Variants in ANO3 observed in about 807,000 individuals in gnomAD.
The protein encoded by ANO3 is anoctamin 3.
In ANO3, 99 loss-of-function variants were observed where a neutral mutation model predicts 144.8. That is an observed-to-expected ratio of 0.68 (90% CI 0.58 to 0.81). ANO3 has a LOEUF of 0.81. Ranked by LOEUF, ANO3 falls within the 30% of genes least tolerant of loss-of-function variation. The pLI is 0.00. For synonymous variants in ANO3, 414 were observed against 392.6 expected (o/e 1.05, Z -0.64); for missense variants, 905 against 1,202.2 (o/e 0.75, Z 3.66).
chr11:26,652,505 A>G (rs1204145677), intron 24 of ANO3, among the ~76,000 whole-genome samples: 2 of 151,938 alleles, frequency 1.3e-5, no homozygotes, highest in Non-Finnish European at 2.9e-5. Context: ...AAATTCCTCC[A>G]CTTGTGCCCT....
chr11:26,480,814 A>G (rs1483965009), intron 4 of ANO3, among the ~76,000 whole-genome samples: 4 of 140,734 alleles, frequency 2.8e-5, no homozygotes, highest in East Asian at 2.0e-4. Context: ...TCTCAAAAAC[A>G]ATATAAATAA....
At chr11:26,379,025 T>G (rs1856502639) in intron 1 of ANO3, among the ~76,000 whole-genome samples, 1 of 126,428 alleles carries the variant, frequency 7.9e-6, no homozygotes, top group South Asian at 2.6e-4. Context: ...GGAAACAGTA[T>G]AGCATTATGA....
chr11:26,545,634 A>G (rs1167066623), intron 11 of ANO3, among the ~76,000 whole-genome samples: 1 of 151,924 alleles, frequency 6.6e-6, no homozygotes, highest in Non-Finnish European at 1.5e-5. Flanking sequence ...AGATTTCCAC[A>G]TGGTTTCATT....
intron 1 of ANO3, among the ~76,000 whole-genome samples, chr11:26,209,283 T>C (rs1210804996): frequency 6.6e-6 from 1 of 152,220 alleles, no homozygotes; most frequent in African/African-American, 2.4e-5. Context: ...CTGAGAATGA[T>C]GGTTTCCAGC....
intron 14 of ANO3, among the ~76,000 whole-genome samples, chr11:26,570,132 A>AT (rs886787998): frequency 3.3e-5 from 5 of 151,976 alleles, no homozygotes; most frequent in South Asian, 2.1e-4. Flanking sequence ...ATATATTAAC[A>AT]TTTTTTTTGT....
chr11:26,392,701 G>T (rs1256099273), intron 1 of ANO3, among the ~76,000 whole-genome samples: 6 of 152,052 alleles, frequency 3.9e-5, no homozygotes, highest in Non-Finnish European at 8.8e-5. Context: ...TTGAATTTTT[G>T]TAGGAATTGG....
chr11:26,370,269 C>G (rs963480345), intron 1 of ANO3, among the ~76,000 whole-genome samples: 5 of 152,148 alleles, frequency 3.3e-5, no homozygotes, highest in Non-Finnish European at 7.3e-5. Flanking sequence ...CGCCTTCGCT[C>G]AGCTCTCATT....
At chr11:26,208,743 A>T (rs1564917336) in intron 1 of ANO3, among the ~76,000 whole-genome samples, 2 of 152,208 alleles carry the variant, frequency 1.3e-5, no homozygotes, top group African/African-American at 4.8e-5. Context: ...TCATTGACAG[A>T]AAAAGAAAAT....
rs540265724 is a variant in ANO3, at chr11:26,312,498, C to T, written c.-3+2779C>T. Among the ~76,000 whole-genome samples, 223 of 152,320 alleles carry T rather than the reference C, an allele frequency of 1.5e-3. 1 individual carries two copies. The highest frequency in any genetic ancestry group is 5.1e-3 in the African/African-American group (214 of 41,578). On this transcript the variant is annotated intron_variant, in intron 1 of 26. Transcript: ENST00000525139. Reference sequence around the variant, plus strand: ...TGTTCCTATTTCTCCACATCCTCTCCAGCACCTGTTGTTTCTTGACTTTTT... The same window carrying T: ...TGTTCCTATTTCTCCACATCCTCTCTAGCACCTGTTGTTTCTTGACTTTTT...
rs375550652 is a variant in ANO3 at position 26,647,872 on chromosome 11, A to G, written c.2576+16A>G. The G allele has an allele frequency of 1.9e-5, 31 of 1,598,552 alleles. No homozygotes were observed. In the African/African-American group the frequency reaches 3.5e-4, roughly 18 times the overall value. On this transcript the variant is annotated intron_variant, in intron 24 of 26. Transcript: ENST00000256737. ...CAAGTGAAAAGTAAGGTTTAAATTT[A>G]AACATTTTCCTGATATGTTTTACAT...
intron 4 of ANO3, among the ~76,000 whole-genome samples, chr11:26,496,564 C>A (rs1860949790): frequency 6.6e-6 from 1 of 152,124 alleles, no homozygotes; most frequent in South Asian, 2.1e-4. Flanking sequence ...TTTAGGAATA[C>A]AAATGCAGAT....
intron 1 of ANO3, among the ~76,000 whole-genome samples, chr11:26,259,279 T>C (rs1853128143): frequency 6.6e-6 from 1 of 152,162 alleles, no homozygotes; most frequent in Admixed American, 6.5e-5. Context: ...AGATTGACTA[T>C]TGTGTGTATA....
intron 12 of ANO3, among the ~76,000 whole-genome samples, chr11:26,551,587 T>C (rs1590510696): frequency 6.6e-6 from 1 of 152,036 alleles, no homozygotes. Context: ...TCTGAGCTTT[T>C]GATTGACTCC....
rs568820665 is a variant in ANO3 at position 26,533,010 on chromosome 11, G to A, written c.870-1446G>A. 7.2e-5 allele frequency among the ~76,000 whole-genome samples: 11 copies of A among 152,282 alleles called. No individual in the cohort carries two copies. The South Asian group carries it at 2.3e-3, about 32-fold the overall frequency. ...AATCAATTTAATGGGGAAAGAGGCA[G>A]GTGGACATTCCTTCTCCTACCTACA... is the stretch of plus-strand genomic sequence containing the variant. On this transcript the variant is annotated intron_variant, in intron 8 of 26. Coordinates refer to ENST00000256737, the MANE Select transcript of ANO3 (RefSeq NM_031418.4).
chr11:26,360,130 A>G (rs1855885742), intron 1 of ANO3, among the ~76,000 whole-genome samples: 1 of 141,700 alleles, frequency 7.1e-6, no homozygotes, highest in Non-Finnish European at 1.5e-5. Flanking sequence ...TTTCATTGAC[A>G]TTTTTTCCTT....
upstream of ANO3, among the ~76,000 whole-genome samples, chr11:26,329,323 C>G (rs199796721): frequency 1.2e-5 from 1 of 80,176 alleles, no homozygotes; most frequent in African/African-American, 3.6e-5. Flanking sequence ...CACACACACA[C>G]ACACAGAGAG....
At chr11:26,232,219 C>T (rs1475891690) in intron 1 of ANO3, among the ~76,000 whole-genome samples, 1 of 152,016 alleles carries the variant, frequency 6.6e-6, no homozygotes, top group Non-Finnish European at 1.5e-5. Flanking sequence ...CAATATGAAC[C>T]CATGAGGGTT....
chr11:26,604,234 T>A (rs1851876288), intron 17 of ANO3, among the ~76,000 whole-genome samples: 4 of 152,274 alleles, frequency 2.6e-5, no homozygotes, highest in African/African-American at 9.6e-5. Context: ...ATACGTGGTG[T>A]TATTTCTGAG....
chr11:26,485,560 A>C (rs1860412720), intron 4 of ANO3, among the ~76,000 whole-genome samples: 1 of 152,178 alleles, frequency 6.6e-6, no homozygotes, highest in East Asian at 1.9e-4. Flanking sequence ...ACCCAGTCTC[A>C]AGTAGTTCTT....
Sources: gnomAD v4.1 joint callset for allele counts (sites outside exome capture counted in the v4.1 genomes callset) on GRCh38, gnomAD v4.1.1 for gene constraint, MANE v1.5 for transcripts, NCBI Gene and HGNC (gene_info 2026-07-23, HGNC 2026-07-21) for gene names.